Variants in RCAN2 observed in about 807,000 individuals in gnomAD.
The protein encoded by RCAN2 is regulator of calcineurin 2.
RCAN2 carries 9 observed loss-of-function variants against 23.6 expected under a neutral mutation model. That is an observed-to-expected ratio of 0.38 (90% CI 0.23 to 0.67). The LOEUF (loss-of-function observed/expected upper bound fraction) is 0.67. Ranked by LOEUF, RCAN2 falls within the 30% of genes least tolerant of loss-of-function variation. RCAN2 has a pLI of 0.51. For synonymous variants in RCAN2, 109 were observed against 115.7 expected, an observed-to-expected ratio of 0.94 and a Z score of 0.37; for missense variants, 273 against 302.3, an observed-to-expected ratio of 0.90 and a Z score of 0.72.
intron 2 of RCAN2, among the ~76,000 whole-genome samples, chr6:46,362,226 G>C (rs899163275): frequency 6.6e-6 from 1 of 152,062 alleles, no homozygotes; most frequent in African/African-American, 2.4e-5. Context: ...TTATATTTAA[G>C]TAGGGAAAAA....
intron 2 of RCAN2, among the ~76,000 whole-genome samples, chr6:46,281,027 G>A (rs1308126046): frequency 6.6e-6 from 1 of 152,146 alleles, no homozygotes; most frequent in Non-Finnish European, 1.5e-5. Context: ...TATGGCAGAG[G>A]CCAATGCTGT....
chr6:46,271,909 A>C (rs1425746923), intron 2 of RCAN2, among the ~76,000 whole-genome samples: 2 of 152,210 alleles, frequency 1.3e-5, no homozygotes, highest in Admixed American at 1.3e-4. Flanking sequence ...TGTCATGTGC[A>C]CCACTATAAT....
Position 46,387,863 on chromosome 6 carries a change from T to A in RCAN2, c.225+68889A>T, listed in dbSNP as rs529875155. Among the ~76,000 whole-genome samples, 975 of 152,176 alleles carry A rather than the reference T, an allele frequency of 6.4e-3. 8 individuals carry two copies. The highest frequency in any genetic ancestry group is 0.023 in the African/African-American group (936 of 41,474). ...GACTTGGAACCAACCCAAATGTCCA[T>A]CAATGATAGACTGGATTAAGAAAAT... On this transcript the variant is annotated intron_variant, in intron 2 of 4. Transcript: ENST00000371374.
chr6:46,418,693 GTGTA>G (rs1303426700), intron 2 of RCAN2, among the ~76,000 whole-genome samples: 8 of 99,608 alleles, frequency 8.0e-5, no homozygotes, highest in Admixed American at 1.2e-4. Flanking sequence ...ATATGTGTGT[GTGTA>G]TATATATATA....
intron 1 of RCAN2, among the ~76,000 whole-genome samples, chr6:46,474,544 C>A (rs1768658274): frequency 6.6e-6 from 1 of 152,062 alleles, no homozygotes; most frequent in African/African-American, 2.4e-5. Context: ...CCTAAGCCGC[C>A]ATCAACAAGG....
At chr6:46,416,170 C>G (rs1418623589) in intron 2 of RCAN2, among the ~76,000 whole-genome samples, 1 of 151,748 alleles carries the variant, frequency 6.6e-6, no homozygotes, top group East Asian at 1.9e-4. Flanking sequence ...CTCAATAAAG[C>G]TGTTATTTAA....
intron 2 of RCAN2, among the ~76,000 whole-genome samples, chr6:46,429,746 A>G (rs899676244): frequency 1.6e-4 from 24 of 152,326 alleles, no homozygotes; most frequent in Admixed American, 1.2e-3. Context: ...TAACAATCAC[A>G]TAAAGAAATG....
At chr6:46,314,032 T>A (rs1275082617) in intron 2 of RCAN2, among the ~76,000 whole-genome samples, 1 of 152,094 alleles carries the variant, frequency 6.6e-6, no homozygotes, top group Non-Finnish European at 1.5e-5. Flanking sequence ...TTTCTTTTTG[T>A]TTTTTAGTAT....
chr6:46,458,905 G>A (rs1224142143), intron 1 of RCAN2, among the ~76,000 whole-genome samples: 2 of 152,206 alleles, frequency 1.3e-5, no homozygotes, highest in African/African-American at 4.8e-5. Context: ...ACGTGTGTGT[G>A]TGTGTGATGG....
intron 2 of RCAN2, among the ~76,000 whole-genome samples, chr6:46,419,230 C>T (rs1766798724): frequency 6.6e-6 from 1 of 152,180 alleles, no homozygotes; most frequent in Non-Finnish European, 1.5e-5. Flanking sequence ...AAATGCTACA[C>T]ATCAGGGCCT....
intron 2 of RCAN2, among the ~76,000 whole-genome samples, chr6:46,340,735 T>C (rs1764291060): frequency 6.6e-6 from 1 of 152,236 alleles, no homozygotes; most frequent in African/African-American, 2.4e-5. Context: ...ATAGAAATCA[T>C]TACCTTAACT....
intron 2 of RCAN2, among the ~76,000 whole-genome samples, chr6:46,345,103 A>T (rs1266467891): frequency 1.3e-5 from 2 of 152,062 alleles, no homozygotes. Flanking sequence ...AGTAAGCATA[A>T]GAAACAGTAG....
At chr6:46,253,657 C>CT (rs1203853323) in intron 2 of RCAN2, among the ~76,000 whole-genome samples, 3 of 152,014 alleles carry the variant, frequency 2.0e-5, no homozygotes, top group Non-Finnish European at 2.9e-5. Context: ...TCTTTTTCTG[C>CT]TTTTTTTCTT....
intron 1 of RCAN2, among the ~76,000 whole-genome samples, chr6:46,480,902 G>A (rs944326484): frequency 2.0e-5 from 3 of 152,232 alleles, no homozygotes; most frequent in South Asian, 4.1e-4. Flanking sequence ...GATTACAGGC[G>A]TGAGCCACTG....
At chr6:46,320,043 T>C (rs928398515) in intron 2 of RCAN2, among the ~76,000 whole-genome samples, 1 of 152,196 alleles carries the variant, frequency 6.6e-6, no homozygotes, top group Admixed American at 6.5e-5. Flanking sequence ...TTACCATGAA[T>C]ACCTCTAGAG....
At chr6:46,304,684 G>A (rs946269638) in intron 2 of RCAN2, among the ~76,000 whole-genome samples, 1 of 152,074 alleles carries the variant, frequency 6.6e-6, no homozygotes, top group African/African-American at 2.4e-5. Context: ...AGAATGCCCT[G>A]GTGGTTTTTA....
intron 1 of RCAN2, among the ~76,000 whole-genome samples, chr6:46,477,281 T>C (rs1768741711): frequency 6.6e-6 from 1 of 152,300 alleles, no homozygotes; most frequent in South Asian, 2.1e-4. Context: ...GGGCAAAACA[T>C]AAGAGCTGAT....
At chr6:46,388,375 T>C (rs892803409) in intron 2 of RCAN2, among the ~76,000 whole-genome samples, 4 of 152,162 alleles carry the variant, frequency 2.6e-5, no homozygotes, top group Non-Finnish European at 1.5e-5. Context: ...TCAACCATCG[T>C]GGAAGGCAGT....
chr6:46,311,901 G>A (rs114551752), intron 2 of RCAN2, among the ~76,000 whole-genome samples: 2,457 of 152,178 alleles, frequency 0.016, 35 homozygotes, highest in Middle Eastern at 0.061. Flanking sequence ...TTTTAGCTGG[G>A]CATAGGACCA....
Sources: gnomAD v4.1 joint callset for allele counts (sites outside exome capture counted in the v4.1 genomes callset) on GRCh38, gnomAD v4.1.1 for gene constraint, MANE v1.5 for transcripts, NCBI Gene and HGNC (gene_info 2026-07-23, HGNC 2026-07-21) for gene names.